Variants in NMT2 observed in about 807,000 individuals in gnomAD.
NMT2 encodes N-myristoyltransferase 2.
In NMT2, 35 loss-of-function variants were observed where a neutral mutation model predicts 65.4. The ratio of observed to expected loss-of-function variants is 0.54; its 90% CI spans 0.41 to 0.71. The LOEUF (loss-of-function observed/expected upper bound fraction) is 0.71, where lower values mean the gene tolerates loss of function less well. Among genes scored for constraint, NMT2 ranks in the 30% least tolerant of loss-of-function variants. NMT2 has a pLI of 0.00. For missense variants in NMT2, 489 were observed against 611.3 expected (o/e 0.80, Z 2.11); for synonymous variants, 226 against 231.8 (o/e 0.98, Z 0.23).
At chr10:15,136,413 G>A (rs907811555) in intron 2 of NMT2, among the ~76,000 whole-genome samples, 1 of 144,690 alleles carries the variant, frequency 6.9e-6, no homozygotes, top group African/African-American at 2.6e-5. Flanking sequence ...GAGACAGAGA[G>A]GGAGAGGGAG....
At chr10:15,157,687 C>T (rs1833047290) in intron 1 of NMT2, among the ~76,000 whole-genome samples, 1 of 152,078 alleles carries the variant, frequency 6.6e-6, no homozygotes, top group Admixed American at 6.5e-5. Context: ...GAACTAGAGA[C>T]AAAAGAGTTC....
At chr10:15,155,405 G>A (rs1348101840) in intron 1 of NMT2, 2 of 590,186 alleles carry the variant, frequency 3.4e-6, no homozygotes, top group South Asian at 1.9e-5. Flanking sequence ...GTCTCACTCT[G>A]TCATCCAGGC....
At position 15,108,859 on chromosome 10, in the gene NMT2, G is replaced by C. The variant is rs538087261; in HGVS notation, c.*336C>G. Reference sequence around the variant, plus strand: ...AGCAAAGATTTTCTTACATGACTCTGTAACTTCTACTTAGTCCATAGAAAA... The same window carrying C: ...AGCAAAGATTTTCTTACATGACTCTCTAACTTCTACTTAGTCCATAGAAAA... On this transcript the variant is annotated 3_prime_UTR_variant, in exon 12 of 12. Coordinates refer to ENST00000378165, the MANE Select transcript of NMT2 (RefSeq NM_004808.3). 2.5e-5 allele frequency: 27 copies of C among 1,086,880 alleles called. No homozygotes were observed. In the South Asian group the frequency reaches 3.0e-4, roughly 12 times the overall value. The allele number at this position is 1,086,880 out of a possible 1,614,324, so 67.3% of individuals were successfully genotyped here.
chr10:15,123,531 G>GAAAACAAAA (rs1845989404), intron 8 of NMT2, among the ~76,000 whole-genome samples: 1 of 52,534 alleles, frequency 1.9e-5, no homozygotes, highest in Non-Finnish European at 3.8e-5. Flanking sequence ...TCGTCTCACA[G>GAAAACAAAA]AAAAAAAAAA....
intron 2 of NMT2, among the ~76,000 whole-genome samples, chr10:15,138,885 T>C (rs1311521173): frequency 1.3e-5 from 2 of 152,212 alleles, no homozygotes; most frequent in African/African-American, 4.8e-5. Flanking sequence ...CTACTGAGTG[T>C]CAACTTGATT....
chr10:15,154,891 C>A (rs752718524), intron 1 of NMT2: 31 of 860,380 alleles, frequency 3.6e-5, no homozygotes, highest in Non-Finnish European at 5.9e-5. Context: ...ATCTTGATGC[C>A]TTCTTTCACC....
intron 9 of NMT2, among the ~76,000 whole-genome samples, chr10:15,116,516 A>G (rs149104292): frequency 2.0e-5 from 3 of 152,298 alleles, no homozygotes; most frequent in South Asian, 2.1e-4. Context: ...AAGGAACTAG[A>G]AAAGAAGAGC....
At chr10:15,139,922 G>C (rs1271969790) in intron 2 of NMT2, 14 of 123,486 alleles carry the variant, frequency 1.1e-4, no homozygotes, top group African/African-American at 4.0e-4. Context: ...CACTGTTTTA[G>C]GATGTAAAAA....
chr10:15,113,623 T>C (rs1845650445), intron 9 of NMT2, among the ~76,000 whole-genome samples: 1 of 152,084 alleles, frequency 6.6e-6, no homozygotes, highest in African/African-American at 2.4e-5. Flanking sequence ...CTTTAAGGAT[T>C]AGAGGGCTGC....
At chr10:15,111,679 T>G (rs1353832647) in intron 10 of NMT2, 2 of 152,018 alleles carry the variant, frequency 1.3e-5, no homozygotes, top group Non-Finnish European at 2.9e-5. Context: ...TTATTTTTAT[T>G]TCTCAGGGTT....
intron 2 of NMT2, among the ~76,000 whole-genome samples, chr10:15,140,277 C>T (rs143685352): frequency 0.012 from 1,886 of 152,120 alleles, 21 homozygotes; most frequent in Non-Finnish European, 0.018. Context: ...TGCATGCCAC[C>T]GTGCCTAACT....
intron 1 of NMT2, chr10:15,155,181 T>G: frequency 6.5e-7 from 1 of 1,534,858 alleles, no homozygotes; most frequent in Non-Finnish European, 9.0e-7. Flanking sequence ...GGAACCCTTA[T>G]AACCAAATCC....
chr10:15,162,897 G>T (rs984070594), intron 1 of NMT2, among the ~76,000 whole-genome samples: 2 of 147,440 alleles, frequency 1.4e-5, no homozygotes, highest in South Asian at 4.3e-4. Context: ...TTATATATGT[G>T]ATATATATAA....
At position 15,130,020 on chromosome 10, in the gene NMT2, TG is replaced by T. The variant is rs535122649; in HGVS notation, c.890+121del. The T allele has an allele frequency of 7.6e-4, 543 of 714,986 alleles. 2 individuals are homozygous for T. The highest frequency in any genetic ancestry group is 5.6e-4 in the Middle Eastern group (2 of 3,590). The allele number at this position is 714,986 out of a possible 1,614,324, so 44.3% of individuals were successfully genotyped here. ...GATATACCAGAAAGAATACTGGACT[TG>T]GTGATTCTAGGTTCTAGTCTCCATC... On this transcript the variant is annotated intron_variant, in intron 7 of 11. Coordinates refer to ENST00000378165, the MANE Select transcript of NMT2 (RefSeq NM_004808.3).
At chr10:15,163,017 G>C (rs1833254444) in intron 1 of NMT2, among the ~76,000 whole-genome samples, 1 of 151,884 alleles carries the variant, frequency 6.6e-6, no homozygotes, top group Non-Finnish European at 1.5e-5. Flanking sequence ...CTGGGCTGAA[G>C]CAATTCTCCC....
At chr10:15,137,715 T>G (rs1198782225) in intron 2 of NMT2, among the ~76,000 whole-genome samples, 2 of 152,210 alleles carry the variant, frequency 1.3e-5, no homozygotes, top group Non-Finnish European at 2.9e-5. Context: ...TACTTTTTCT[T>G]TCTTGATTTA....
In NMT2 at chr10:15,126,952, G is replaced by C. The variant is rs1287907698; in HGVS notation, c.999+1398C>G. 2.0e-5 allele frequency among the ~76,000 whole-genome samples: 3 copies of C among 152,214 alleles called. No homozygotes were observed. The East Asian group carries it at 5.8e-4, about 29-fold the overall frequency. ...TTTCCCTATTAAAAATGATAACTTG[G>C]CTGGGCGTGGTGGCTCACACCTGTA... On this transcript the variant is annotated intron_variant, in intron 8 of 11. Transcript: ENST00000378165.
chr10:15,137,911 G>C (rs904934524), intron 2 of NMT2, among the ~76,000 whole-genome samples: 5 of 151,958 alleles, frequency 3.3e-5, no homozygotes, highest in African/African-American at 1.2e-4. Flanking sequence ...TTAGCTCATG[G>C]GTTGACCAGC....
chr10:15,133,563 C>T (rs1415311891), intron 3 of NMT2, among the ~76,000 whole-genome samples, 200 bp from the exon 4 acceptor site: 1 of 152,108 alleles, frequency 6.6e-6, no homozygotes, highest in Non-Finnish European at 1.5e-5. Context: ...GGTGTGAAAT[C>T]ATTGCTGTTT....
Sources: gnomAD v4.1 joint callset for allele counts (sites outside exome capture counted in the v4.1 genomes callset) on GRCh38, gnomAD v4.1.1 for gene constraint, MANE v1.5 for transcripts, NCBI Gene and HGNC (gene_info 2026-07-23, HGNC 2026-07-21) for gene names.